HSD17B4: variants seen among roughly 807,000 people sequenced by gnomAD.
The protein encoded by HSD17B4 is peroxisomal multifunctional enzyme type 2.
HSD17B4 carries 70 observed loss-of-function variants against 101.0 expected under a neutral mutation model. That is an observed-to-expected ratio of 0.69 (90% CI 0.57 to 0.85). The LOEUF is 0.85. Among genes scored for constraint, HSD17B4 ranks in the 40% least tolerant of loss-of-function variants. The probability of loss-of-function intolerance (pLI) is 0.00; values close to 1 mark genes in which losing one functional copy is unlikely to be tolerated. For missense variants in HSD17B4, 984 were observed against 892.4 expected (o/e 1.10, Z -1.31); for synonymous variants, 347 against 297.1 (o/e 1.17, Z -1.73).
At chr5:119,503,090 G>C (rs556760897) in intron 14 of HSD17B4, among the ~76,000 whole-genome samples, 88 of 151,400 alleles carry the variant, frequency 5.8e-4, no homozygotes, top group African/African-American at 1.7e-3. Flanking sequence ...GTGTGTGTGT[G>C]TGTGTGTGTG....
chr5:119,538,983 C>T (rs1258308038), intron 23 of HSD17B4, among the ~76,000 whole-genome samples: 1 of 152,070 alleles, frequency 6.6e-6, no homozygotes, highest in Non-Finnish European at 1.5e-5. Context: ...ATACTGTAGA[C>T]ATTCATACTC....
At chr5:119,456,417 C>A in intron 2 of HSD17B4, 49 bp downstream of exon 2, 2 of 1,025,856 alleles carry the variant, frequency 1.9e-6, no homozygotes, top group Non-Finnish European at 3.1e-6. Context: ...AACTGAAATA[C>A]AATCTTTACA....
At chr5:119,520,651 G>A (rs1294270092) in intron 17 of HSD17B4, among the ~76,000 whole-genome samples, 2 of 152,148 alleles carry the variant, frequency 1.3e-5, no homozygotes, top group Non-Finnish European at 2.9e-5. Flanking sequence ...ATTGCCTGCT[G>A]TCCAATGTCT....
chr5:119,475,937 A>G, intron 6 of HSD17B4, 67 bp downstream of exon 6: 1 of 1,199,418 alleles, frequency 8.3e-7, no homozygotes, highest in Non-Finnish European at 1.2e-6. Flanking sequence ...TATTTGATAA[A>G]TTTATACATT....
chr5:119,530,061 C>T (rs551342070), intron 21 of HSD17B4, 81 bp downstream of exon 21: 57 of 835,396 alleles, frequency 6.8e-5, no homozygotes, highest in East Asian at 5.4e-4. Context: ...GGTTAGGCTA[C>T]GTTAGAAAAT....
intron 8 of HSD17B4, 44 bp downstream of exon 8, chr5:119,479,065 C>G (rs781378007): frequency 4.3e-6 from 6 of 1,402,386 alleles, no homozygotes; most frequent in Non-Finnish European, 6.1e-6. Context: ...TACTTACAAA[C>G]CTATGTGGAA....
chr5:119,479,887 A>C (rs1279794523), intron 8 of HSD17B4, among the ~76,000 whole-genome samples: 1 of 152,108 alleles, frequency 6.6e-6, no homozygotes, highest in Non-Finnish European at 1.5e-5. Context: ...CTATGATAAG[A>C]CTAGGTTTAG....
chr5:119,469,202 T>G lies in HSD17B4; in HGVS notation c.113-4706T>G, dbSNP rs576049112. Reference sequence around the variant, plus strand: ...ATTTCCTTAAGATCATCATTTTGAATTCCCTTTCAGGAATTTCGTAGATTT... The same window carrying G: ...ATTTCCTTAAGATCATCATTTTGAAGTCCCTTTCAGGAATTTCGTAGATTT... On this transcript the variant is annotated intron_variant, in intron 2 of 23. Coordinates refer to ENST00000510025, the MANE Select transcript of HSD17B4 (RefSeq NM_000414.4). Among the ~76,000 whole-genome samples the G allele has an allele frequency of 5.9e-5, 9 of 152,202 alleles. 1 individual carries two copies. The South Asian group carries it at 1.9e-3, about 32-fold the overall frequency.
chr5:119,512,658 C>G (rs989592451), intron 16 of HSD17B4, among the ~76,000 whole-genome samples: 1 of 152,118 alleles, frequency 6.6e-6, no homozygotes, highest in Admixed American at 6.5e-5. Context: ...TCCTGGACAA[C>G]AAAAACTGAG....
chr5:119,533,801 C>T (rs1320552157), intron 22 of HSD17B4, among the ~76,000 whole-genome samples: 2 of 152,062 alleles, frequency 1.3e-5, no homozygotes, highest in Non-Finnish European at 2.9e-5. Flanking sequence ...TCATGACATG[C>T]AGGAAGAAAA....
chr5:119,493,707 TC>T lies in HSD17B4; in HGVS notation c.740-108del, dbSNP rs1417396760. 3.8e-5 allele frequency: 37 copies of T among 974,638 alleles called. No individual in the cohort carries two copies. The Admixed American group carries it at 6.4e-4, about 17-fold the overall frequency. 60.4% of individuals were successfully genotyped at this position (974,638 alleles called of 1,614,324 possible). ...TGGTAAAACTCTTTAGGAGTTAGAA[TC>T]CCTTTTTTTCTGAATTTCCTTTCTC... is the stretch of plus-strand genomic sequence containing the variant. On this transcript the variant is annotated intron_variant, in intron 10 of 23. Coordinates refer to ENST00000510025, the MANE Select transcript of HSD17B4 (RefSeq NM_000414.4).
chr5:119,479,210 C>T (rs557035842), intron 8 of HSD17B4, among the ~76,000 whole-genome samples, 189 bp downstream of exon 8: 1 of 152,110 alleles, frequency 6.6e-6, no homozygotes, highest in East Asian at 1.9e-4. Flanking sequence ...AAAAATGACC[C>T]ATAATTCTAC....
chr5:119,498,674 C>T (rs1580621294), intron 12 of HSD17B4, among the ~76,000 whole-genome samples: 1 of 151,996 alleles, frequency 6.6e-6, no homozygotes, highest in African/African-American at 2.4e-5. Flanking sequence ...TCAGGAGTTC[C>T]AGACCATCCT....
chr5:119,458,323 C>G (rs913311262), intron 2 of HSD17B4, among the ~76,000 whole-genome samples: 1 of 151,706 alleles, frequency 6.6e-6, no homozygotes, highest in African/African-American at 2.4e-5. Flanking sequence ...CACCGTGTTT[C>G]CAAGTTGCAT....
At chr5:119,488,378 A>C (rs1176062304) in intron 8 of HSD17B4, among the ~76,000 whole-genome samples, 1 of 152,168 alleles carries the variant, frequency 6.6e-6, no homozygotes, top group African/African-American at 2.4e-5. Flanking sequence ...AAGGGCTACG[A>C]AAGTAAGCTT....
At chr5:119,526,841 T>A (rs1243341644) in intron 19 of HSD17B4, among the ~76,000 whole-genome samples, 2 of 152,048 alleles carry the variant, frequency 1.3e-5, no homozygotes, top group Admixed American at 6.6e-5. Flanking sequence ...CTGATGTACC[T>A]ATATAACTCA....
At chr5:119,491,010 C>T (rs944314734) in intron 9 of HSD17B4, among the ~76,000 whole-genome samples, 2 of 152,130 alleles carry the variant, frequency 1.3e-5, no homozygotes. Flanking sequence ...ATAAACTATA[C>T]TAAGAGCTGT....
At chr5:119,530,876 A>C (rs1308356140) in intron 21 of HSD17B4, among the ~76,000 whole-genome samples, 4 of 150,564 alleles carry the variant, frequency 2.7e-5, no homozygotes. Context: ...AAAAACAAAA[A>C]AAACCCAAAA....
rs141517981 is a variant in HSD17B4, at chr5:119,473,956, C to T, written c.161C>T (p.Ala54Val). 26 of 1,612,698 alleles carry T rather than the reference C, an allele frequency of 1.6e-5. No homozygotes were observed. In the African/African-American group the frequency reaches 2.8e-4, roughly 17 times the overall value. Residue 54 changes from alanine (A) to valine (V), a missense_variant, in exon 3 of 24, where the codon GCT (alanine) becomes GTT (valine). Physicochemically the swap from Ala to Val is moderately conservative, Grantham distance 64. Transcript: ENST00000510025. ...DFKGVGKGSLAADKVVEEIRR... is the reference protein window; with the variant it reads ...DFKGVGKGSLVADKVVEEIRR... ...AAAGGAGTTGGTAAAGGCTCCTTAGCTGCTGATAAGGTTGTTGAAGAAATA... is the reference window on the plus strand; with the variant it reads ...AAAGGAGTTGGTAAAGGCTCCTTAGTTGCTGATAAGGTTGTTGAAGAAATA...
Sources: gnomAD v4.1 joint callset for allele counts (sites outside exome capture counted in the v4.1 genomes callset) on GRCh38, gnomAD v4.1.1 for gene constraint, MANE v1.5 for transcripts, NCBI Gene and HGNC (gene_info 2026-07-23, HGNC 2026-07-21) for gene names.